Variants in CDH12 observed in about 807,000 individuals in gnomAD.
CDH12 encodes cadherin 12.
CDH12 carries 41 observed loss-of-function variants against 74.1 expected under a neutral mutation model. The ratio of observed to expected loss-of-function variants is 0.55; its 90% CI spans 0.43 to 0.72. The LOEUF is 0.72. Ranked by LOEUF, CDH12 falls within the 30% of genes least tolerant of loss-of-function variation. The probability of loss-of-function intolerance (pLI) is 0.00; values close to 1 mark genes in which losing one functional copy is unlikely to be tolerated. For synonymous variants in CDH12, 399 were observed against 355.0 expected, an observed-to-expected ratio of 1.12 and a Z score of -1.39; for missense variants, 945 against 977.2, an observed-to-expected ratio of 0.97 and a Z score of 0.44.
chr5:21,829,975 G>T (rs140958106), intron 8 of CDH12, among the ~76,000 whole-genome samples: 3,046 of 151,862 alleles, frequency 0.02, 63 homozygotes, highest in African/African-American at 0.057. Flanking sequence ...GAGGCAGGTG[G>T]ATCACCCGAG....
At chr5:22,658,814 C>T (rs1346822104) in intron 1 of CDH12, among the ~76,000 whole-genome samples, 1 of 152,060 alleles carries the variant, frequency 6.6e-6, no homozygotes, top group Non-Finnish European at 1.5e-5. Context: ...TGCAATGTAG[C>T]AAAAGTGAGA....
intron 3 of CDH12, among the ~76,000 whole-genome samples, chr5:22,373,389 A>G (rs1273765417): frequency 6.6e-6 from 1 of 152,000 alleles, no homozygotes; most frequent in African/African-American, 2.4e-5. Flanking sequence ...CACCCACATC[A>G]CACCATGGCC....
At chr5:22,710,308 T>C (rs951982691) in intron 1 of CDH12, among the ~76,000 whole-genome samples, 1 of 152,174 alleles carries the variant, frequency 6.6e-6, no homozygotes, top group Non-Finnish European at 1.5e-5. Flanking sequence ...ATTAAATATA[T>C]TTAGGTTTAT....
chr5:22,566,547 C>T (rs1239553162), intron 1 of CDH12, among the ~76,000 whole-genome samples: 1 of 152,050 alleles, frequency 6.6e-6, no homozygotes, highest in Non-Finnish European at 1.5e-5. Context: ...TACTATGTGT[C>T]TTTTAATTAT....
intron 5 of CDH12, among the ~76,000 whole-genome samples, chr5:22,072,494 T>C (rs367961614): frequency 2.0e-5 from 3 of 151,980 alleles, no homozygotes; most frequent in South Asian, 2.1e-4. Context: ...GACGGAGTCA[T>C]AGACATTTCC....
At chr5:21,925,404 T>A (rs1158886383) in intron 6 of CDH12, among the ~76,000 whole-genome samples, 3 of 152,180 alleles carry the variant, frequency 2.0e-5, no homozygotes, top group Non-Finnish European at 4.4e-5. Flanking sequence ...CACAAACATA[T>A]CCACGTGATG....
intron 3 of CDH12, among the ~76,000 whole-genome samples, chr5:22,347,503 G>C (rs1230078535): frequency 6.6e-6 from 1 of 152,122 alleles, no homozygotes; most frequent in African/African-American, 2.4e-5. Context: ...CCCTACTTTT[G>C]AGGTTTTGGG....
At chr5:22,581,259 G>A (rs1740087924) in intron 1 of CDH12, among the ~76,000 whole-genome samples, 1 of 152,212 alleles carries the variant, frequency 6.6e-6, no homozygotes, top group Non-Finnish European at 1.5e-5. Context: ...TCCCTGTGCT[G>A]TGTGCAGCCT....
At chr5:22,355,420 T>C (rs1462619167) in intron 3 of CDH12, among the ~76,000 whole-genome samples, 2 of 151,836 alleles carry the variant, frequency 1.3e-5, no homozygotes, top group African/African-American at 4.8e-5. Flanking sequence ...TAACATTGGC[T>C]AAGTTGTTGA....
At chr5:22,690,919 A>G (rs550429974) in intron 1 of CDH12, among the ~76,000 whole-genome samples, 3 of 152,266 alleles carry the variant, frequency 2.0e-5, no homozygotes, top group Admixed American at 1.3e-4. Flanking sequence ...ATGGGACACC[A>G]TGGTTAATGT....
In CDH12 at chr5:21,833,221, ATGTTATATAACATAT is replaced by A. The variant is rs1451398455; in HGVS notation, c.814+8925_814+8939del. Among the ~76,000 whole-genome samples the A allele has an allele frequency of 1.5e-3, 62 of 42,178 alleles. 11 individuals carry two copies. The highest frequency in any genetic ancestry group is 6.5e-3 in the African/African-American group (31 of 4,742). The allele number at this position is 42,178 out of a possible 152,430, so 27.7% of individuals were successfully genotyped here. Reference sequence around the variant, plus strand: ...ATATATATATTATAATATATATTATATGTTATATAACATATAATATATATTATATATTATATAACA... The same window carrying A: ...ATATATATATTATAATATATATTATAAATATATATTATATATTATATAACA... On this transcript the variant is annotated intron_variant, in intron 8 of 14. Transcript: ENST00000382254.
chr5:21,831,798 A>G (rs1344643224), intron 8 of CDH12, among the ~76,000 whole-genome samples: 1 of 152,044 alleles, frequency 6.6e-6, no homozygotes, highest in African/African-American at 2.4e-5. Flanking sequence ...TTCAGGTTTT[A>G]TGTTTTAATT....
chr5:21,887,922 T>TC (rs370161990), intron 6 of CDH12, among the ~76,000 whole-genome samples: 11 of 141,094 alleles, frequency 7.8e-5, no homozygotes, highest in African/African-American at 2.3e-4. Flanking sequence ...ATTTTTTTTT[T>TC]CCCCTTAGTT....
chr5:22,785,743 C>T (rs1747590702), intron 1 of CDH12, among the ~76,000 whole-genome samples: 1 of 152,098 alleles, frequency 6.6e-6, no homozygotes, highest in Non-Finnish European at 1.5e-5. Flanking sequence ...GTTTTGAACT[C>T]CTGACCCCAA....
Position 22,483,763 on chromosome 5 carries a change from T to TATATATATATATAA in CDH12, c.-428+21506_-428+21507insTTATATATATATAT, listed in dbSNP as rs902754630. Among the ~76,000 whole-genome samples, 6 of 91,828 alleles carry TATATATATATATAA rather than the reference T, an allele frequency of 6.5e-5. 2 individuals carry two copies. Among genetic ancestry groups the TATATATATATATAA allele is most frequent in the Admixed American group, 1.1e-4 (1 of 8,712 alleles). 60.2% of individuals were successfully genotyped at this position (91,828 alleles called of 152,430 possible). ...TCTTTCAAAACTATATATATATATA[T>TATATATATATATAA]AAATTTAATTAATTGGGCATGGTGG... is the stretch of plus-strand genomic sequence containing the variant. On this transcript the variant is annotated intron_variant, in intron 2 of 14. Coordinates refer to ENST00000382254, the MANE Select transcript of CDH12 (RefSeq NM_004061.5).
chr5:22,549,682 C>A (rs1331375149), intron 1 of CDH12, among the ~76,000 whole-genome samples: 2 of 152,080 alleles, frequency 1.3e-5, no homozygotes, highest in East Asian at 3.9e-4. Context: ...AGAAATATTT[C>A]ATAATTTGTA....
intron 4 of CDH12, among the ~76,000 whole-genome samples, chr5:22,102,870 T>C (rs1744225490): frequency 6.6e-6 from 1 of 152,064 alleles, no homozygotes. Flanking sequence ...CATGGAATGA[T>C]GCAGCAAGAA....
intron 10 of CDH12, among the ~76,000 whole-genome samples, chr5:21,797,184 G>GTGATGATGATGATGATGA (rs60534561): frequency 6.6e-6 from 1 of 151,208 alleles, no homozygotes; most frequent in Non-Finnish European, 1.5e-5. Context: ...GCTGTGCTTA[G>GTGATGATGATGATGATGA]TGATGATGAT....
At chr5:22,506,331 T>C (rs1736386285) in intron 1 of CDH12, among the ~76,000 whole-genome samples, 1 of 152,208 alleles carries the variant, frequency 6.6e-6, no homozygotes. Context: ...CATTTATTCA[T>C]TCAGTAATTT....
Sources: gnomAD v4.1 joint callset for allele counts (sites outside exome capture counted in the v4.1 genomes callset) on GRCh38, gnomAD v4.1.1 for gene constraint, MANE v1.5 for transcripts, NCBI Gene and HGNC (gene_info 2026-07-23, HGNC 2026-07-21) for gene names.